The following MAPK8 variants were observed in gnomAD, a reference collection of about 807,000 sequenced individuals.
MAPK8 encodes the protein JUN N-terminal kinase.
In MAPK8, 13 loss-of-function variants were observed where a neutral mutation model predicts 52.9. That is an observed-to-expected ratio of 0.25 (90% confidence interval 0.16 to 0.39). The LOEUF (loss-of-function observed/expected upper bound fraction) is 0.39, where lower values mean the gene tolerates loss of function less well. MAPK8 is among the 10% of genes least tolerant of loss of function. The pLI is 1.00. For synonymous variants in MAPK8, 191 were observed against 169.8 expected (o/e 1.12, Z -0.97); for missense variants, 300 against 519.2 (o/e 0.58, Z 4.10).
chr10:48,359,410 G>A (rs1225144764), intron 1 of MAPK8, among the ~76,000 whole-genome samples: 2 of 152,090 alleles, frequency 1.3e-5, no homozygotes, highest in East Asian at 3.8e-4. Context: ...GTTACACATA[G>A]TTTTGTAAGC....
intron 1 of MAPK8, among the ~76,000 whole-genome samples, chr10:48,307,539 C>A (rs1841511569): frequency 6.6e-6 from 1 of 152,148 alleles, no homozygotes; most frequent in South Asian, 2.1e-4. Flanking sequence ...CTCTTTGTCT[C>A]GCATTTGTGT....
chr10:48,356,063 T>C (rs981782678), intron 1 of MAPK8, among the ~76,000 whole-genome samples: 10 of 117,496 alleles, frequency 8.5e-5, no homozygotes, highest in South Asian at 2.5e-4. Context: ...GTGTGTACTC[T>C]AGGCATGAAG....
intron 1 of MAPK8, among the ~76,000 whole-genome samples, chr10:48,324,503 G>GTTTTTTGTTTTTTTTTTTTTTTTTTTTTT (rs1843292185): frequency 8.5e-6 from 1 of 118,020 alleles, no homozygotes; most frequent in Non-Finnish European, 1.7e-5. Context: ...CTGTTTTCTA[G>GTTTTTTGTTTTTTTTTTTTTTTTTTTTTT]TTTTTTTTTT....
chr10:48,435,790 G>A lies in MAPK8; in HGVS notation c.*761G>A, dbSNP rs371660031. 6.6e-6 allele frequency: 1 copy of A among 152,188 alleles called. No individual in the cohort carries two copies. 9.4% of individuals were successfully genotyped at this position (152,188 alleles called of 1,614,324 possible). Reference sequence around the variant, plus strand: ...ATATGGTGTATTCTACAAATTTGTGGCATGCTCAAAGTTTATGATCACATA... The same window carrying A: ...ATATGGTGTATTCTACAAATTTGTGACATGCTCAAAGTTTATGATCACATA... On this transcript the variant is annotated 3_prime_UTR_variant, in exon 12 of 12. Transcript: ENST00000374189.
intron 1 of MAPK8, among the ~76,000 whole-genome samples, chr10:48,366,089 C>G (rs773957455): frequency 2.4e-4 from 36 of 151,532 alleles, no homozygotes; most frequent in Admixed American, 1.4e-3. Context: ...TTTAAATGCT[C>G]TTATGTAATA....
chr10:48,375,524 G>A (rs879192779), intron 1 of MAPK8, among the ~76,000 whole-genome samples: 1 of 152,064 alleles, frequency 6.6e-6, no homozygotes, highest in Non-Finnish European at 1.5e-5. Context: ...AAGCTGATAA[G>A]CAACATCAAC....
At chr10:48,327,730 A>G (rs915273379) in intron 1 of MAPK8, among the ~76,000 whole-genome samples, 1 of 152,208 alleles carries the variant, frequency 6.6e-6, no homozygotes, top group Non-Finnish European at 1.5e-5. Context: ...TTCTGTTTTA[A>G]AAGGTTAATA....
chr10:48,357,698 A>G (rs1413793163), intron 1 of MAPK8, among the ~76,000 whole-genome samples: 1 of 152,182 alleles, frequency 6.6e-6, no homozygotes, highest in Non-Finnish European at 1.5e-5. Context: ...CTGGCCATCA[A>G]TCTTATTTTT....
At chr10:48,432,202 TA>T (rs1160151913) in intron 11 of MAPK8, among the ~76,000 whole-genome samples, 1 of 152,210 alleles carries the variant, frequency 6.6e-6, no homozygotes, top group Admixed American at 6.5e-5. Flanking sequence ...GAAGTAAAAC[TA>T]TGCCATTTTA....
At chr10:48,367,619 C>T (rs1848171846) in intron 1 of MAPK8, among the ~76,000 whole-genome samples, 1 of 152,060 alleles carries the variant, frequency 6.6e-6, no homozygotes, top group Admixed American at 6.6e-5. Context: ...TCAGTTTCTT[C>T]ACTTATGTTG....
At chr10:48,368,453 T>C (rs1361710082) in intron 1 of MAPK8, among the ~76,000 whole-genome samples, 4 of 152,194 alleles carry the variant, frequency 2.6e-5, no homozygotes, top group Non-Finnish European at 4.4e-5. Flanking sequence ...GGTGAAAAGA[T>C]TGTGGTACTT....
chr10:48,324,190 A>G (rs1843251932), intron 1 of MAPK8, among the ~76,000 whole-genome samples: 1 of 152,230 alleles, frequency 6.6e-6, no homozygotes, highest in African/African-American at 2.4e-5. Context: ...TAAGCCCTTA[A>G]TATCTAGTTC....
intron 1 of MAPK8, among the ~76,000 whole-genome samples, chr10:48,313,855 A>G (rs374825385): frequency 6.6e-6 from 1 of 152,208 alleles, no homozygotes; most frequent in Admixed American, 6.5e-5. Flanking sequence ...TCCGAGGTTC[A>G]GGTGATTCTC....
chr10:48,424,452 TTTC>T, intron 7 of MAPK8: 1 of 1,126,180 alleles, frequency 8.9e-7, no homozygotes, highest in Non-Finnish European at 1.3e-6. Context: ...ATTTTATTTC[TTTC>T]TTTTTTTTTT....
intron 1 of MAPK8, among the ~76,000 whole-genome samples, chr10:48,351,040 C>T (rs1846271030): frequency 6.6e-6 from 1 of 152,024 alleles, no homozygotes; most frequent in Non-Finnish European, 1.5e-5. Flanking sequence ...GAATAAAATA[C>T]CTAGGAATAC....
At chr10:48,384,680 C>T (rs2041208132) in intron 1 of MAPK8, among the ~76,000 whole-genome samples, 2 of 152,306 alleles carry the variant, frequency 1.3e-5, no homozygotes, top group East Asian at 3.9e-4. Context: ...AAAATGTACA[C>T]CTTCAACCAA....
intron 1 of MAPK8, among the ~76,000 whole-genome samples, chr10:48,321,194 C>T (rs1430062905): frequency 1.4e-5 from 2 of 144,190 alleles, no homozygotes; most frequent in Non-Finnish European, 3.0e-5. Flanking sequence ...AACTCTTGTA[C>T]ACAAATGATC....
chr10:48,434,942 G>A lies in MAPK8; in HGVS notation c.1197G>A (p.Val399=), dbSNP rs1214438870. 3 of 1,605,484 alleles carry A rather than the reference G, an allele frequency of 1.9e-6. No homozygotes were observed. The highest frequency in any genetic ancestry group is 2.6e-6 in the Non-Finnish European group (3 of 1,175,302). ...CATCATCGTCGTCTGTCAATGATGT[G>A]TCTTCAATGTCAACAGATCCGACTT... ...HPSSSSSVND[V]SSMSTDPTLA... The change falls in exon 12 of 12, where the codon GTG becomes GTA. Residue 399 remains valine, a synonymous_variant. Coordinates refer to ENST00000374189, the MANE Select transcript of MAPK8 (RefSeq NM_001323329.2).
chr10:48,316,566 G>A (rs138331345), intron 1 of MAPK8, among the ~76,000 whole-genome samples: 18 of 152,292 alleles, frequency 1.2e-4, no homozygotes, highest in African/African-American at 4.1e-4. Flanking sequence ...CAAAGTAGAG[G>A]TCAAGATATG....
Sources: allele counts gnomAD v4.1 joint callset (sites outside exome capture counted in the v4.1 genomes callset), GRCh38; gene constraint gnomAD v4.1.1; transcripts MANE v1.5; gene names NCBI Gene and HGNC (gene_info 2026-07-23, HGNC 2026-07-21).